Variants in CAST observed in about 807,000 individuals in gnomAD.
The protein encoded by CAST is MIR583 host.
Under a neutral mutation model 119.6 loss-of-function variants are expected in CAST, and 76 were observed. The observed-to-expected ratio is 0.64, with a 90% confidence interval of 0.53 to 0.77. The LOEUF (loss-of-function observed/expected upper bound fraction) is 0.77. Among genes scored for constraint, CAST ranks in the 30% least tolerant of loss-of-function variants. The pLI is 0.00. For missense variants in CAST, 953 were observed against 946.5 expected (o/e 1.01, Z -0.09); for synonymous variants, 319 against 331.6 (o/e 0.96, Z 0.41).
chr5:96,591,524 C>A (rs72772015), intron 1 of CAST, among the ~76,000 whole-genome samples: 5,517 of 152,014 alleles, frequency 0.036, 143 homozygotes, highest in African/African-American at 0.07. Context: ...AGGTACAGGA[C>A]AATAAAGGAG....
chr5:96,373,622 G>A, the CAST span, among the ~76,000 whole-genome samples: 1 of 152,240 alleles, frequency 6.6e-6, no homozygotes, highest in South Asian at 2.1e-4. Flanking sequence ...CTTCAAAGAC[G>A]GACTTGTGAA....
chr5:96,734,771 A>G (rs1761287309), intron 9 of CAST, among the ~76,000 whole-genome samples: 1 of 152,352 alleles, frequency 6.6e-6, no homozygotes, highest in South Asian at 2.1e-4. Context: ...GCAGGAGTAC[A>G]GATAGATGTC....
chr5:96,685,680 T>C (rs1282896873), intron 2 of CAST, among the ~76,000 whole-genome samples: 6 of 152,226 alleles, frequency 3.9e-5, no homozygotes, highest in South Asian at 2.1e-4. Flanking sequence ...TTTCAGGATA[T>C]GGCATGAGAT....
At chr5:96,599,973 A>AAAAAAAAAACAAAAC in intron 1 of CAST, among the ~76,000 whole-genome samples, 1 of 90,154 alleles carries the variant, frequency 1.1e-5, no homozygotes, top group African/African-American at 3.0e-5. Flanking sequence ...AGGCAAAAAA[A>AAAAAAAAAACAAAAC]AAAAAAAAAA....
Position 96,662,565 on chromosome 5 carries a change from C to T in CAST, c.75+68C>T, listed in dbSNP as rs1045037159. The T allele has an allele frequency of 1.4e-4, 185 of 1,321,840 alleles. No homozygotes were observed. The African/African-American group carries it at 2.6e-3, about 18-fold the overall frequency. 81.9% of individuals were successfully genotyped at this position (1,321,840 alleles called of 1,614,324 possible). On this transcript the variant is annotated intron_variant, in intron 1 of 31. Transcript: ENST00000675179. Reference sequence around the variant, plus strand: ...GTACCGGGTCCCGGAGCTGTGGCCGCCCTCCCTGGGCGTTGCCAGGCTGGC... The same window carrying T: ...GTACCGGGTCCCGGAGCTGTGGCCGTCCTCCCTGGGCGTTGCCAGGCTGGC...
the CAST span, among the ~76,000 whole-genome samples, chr5:96,115,519 A>AGTTG: frequency 6.6e-6 from 1 of 152,200 alleles, no homozygotes; most frequent in African/African-American, 2.4e-5. Context: ...CAGATAAGTA[A>AGTTG]CTTGTCCAAG....
chr5:96,032,079 A>T, the CAST span, among the ~76,000 whole-genome samples: 2 of 152,106 alleles, frequency 1.3e-5, no homozygotes, highest in African/African-American at 4.8e-5. Flanking sequence ...GAGTGCCCTA[A>T]CCTTTGAAGT....
the CAST span, chr5:96,433,015 A>C: frequency 4.5e-5 from 72 of 1,614,086 alleles, no homozygotes; most frequent in Admixed American, 1.2e-3. Flanking sequence ...AAAGCAGTGC[A>C]CTGCAGACTC....
At chr5:96,436,624 T>C in the CAST span, among the ~76,000 whole-genome samples, 1 of 152,222 alleles carries the variant, frequency 6.6e-6, no homozygotes, top group Non-Finnish European at 1.5e-5. Context: ...ATATTTATCA[T>C]TGGAGTTCTA....
At chr5:95,972,652 C>T in the CAST span, among the ~76,000 whole-genome samples, 1 of 152,058 alleles carries the variant, frequency 6.6e-6, no homozygotes, top group African/African-American at 2.4e-5. Context: ...CAGTCCCTGC[C>T]TTGTTTTTTC....
intron 1 of CAST, among the ~76,000 whole-genome samples, chr5:96,544,319 G>T (rs1319690734): frequency 6.6e-6 from 1 of 152,162 alleles, no homozygotes; most frequent in Non-Finnish European, 1.5e-5. Flanking sequence ...TCATGTAAAT[G>T]TTATTGTGTT....
the CAST span, chr5:96,393,192 CA>C: frequency 6.2e-7 from 1 of 1,614,136 alleles, no homozygotes; most frequent in Non-Finnish European, 8.5e-7. Context: ...TTGAGCTTTG[CA>C]CTTGGGGACT....
chr5:96,426,030 G>C, the CAST span: 1 of 732,466 alleles, frequency 1.4e-6, no homozygotes, highest in Non-Finnish European at 2.4e-6. Flanking sequence ...AGTTCAGGCA[G>C]CTCTGCAATA....
the CAST span, among the ~76,000 whole-genome samples, chr5:96,381,270 T>A: frequency 1.3e-5 from 2 of 152,288 alleles, 1 homozygote; most frequent in South Asian, 4.1e-4. Flanking sequence ...ATACAGTGGG[T>A]TTATTACTGT....
chr5:96,192,765 C>G, the CAST span, among the ~76,000 whole-genome samples: 1 of 152,142 alleles, frequency 6.6e-6, no homozygotes, highest in Non-Finnish European at 1.5e-5. Flanking sequence ...CAAACAAAAC[C>G]CTTAAGAACC....
chr5:96,544,868 CT>C (rs1745978821), intron 1 of CAST, among the ~76,000 whole-genome samples: 1 of 150,398 alleles, frequency 6.6e-6, no homozygotes, highest in African/African-American at 2.4e-5. Context: ...AAGAAACTTG[CT>C]TTAAATATAA....
the CAST span, among the ~76,000 whole-genome samples, chr5:96,011,376 A>G: frequency 6.6e-6 from 1 of 152,230 alleles, no homozygotes; most frequent in Non-Finnish European, 1.5e-5. Context: ...AACTAATAGG[A>G]TAAAATATAG....
At chr5:96,511,576 A>T in the CAST span, among the ~76,000 whole-genome samples, 1 of 152,206 alleles carries the variant, frequency 6.6e-6, no homozygotes, top group Non-Finnish European at 1.5e-5. Flanking sequence ...TCTCCCAGAC[A>T]TGCAGGAACT....
chr5:95,998,815 A>G, the CAST span, among the ~76,000 whole-genome samples: 18 of 152,280 alleles, frequency 1.2e-4, no homozygotes, highest in South Asian at 3.7e-3. Flanking sequence ...TAGTTCTTTG[A>G]GAACTCTCCA....
Sources: allele counts gnomAD v4.1 joint callset (sites outside exome capture counted in the v4.1 genomes callset), GRCh38; gene constraint gnomAD v4.1.1; transcripts MANE v1.5; gene names NCBI Gene and HGNC (gene_info 2026-07-23, HGNC 2026-07-21).